The following POLB variants were observed in gnomAD, a reference collection of about 807,000 sequenced individuals.
POLB encodes the protein 5'-dRP lyase.
A neutral mutation model predicts 52.7 loss-of-function variants in POLB; 37 were observed. The observed-to-expected ratio is 0.70, with a 90% CI of 0.54 to 0.92. The LOEUF is 0.92. POLB is among the 40% of genes least tolerant of loss of function. The pLI, the probability that POLB is intolerant of heterozygous loss-of-function variation, is 0.00. For synonymous variants in POLB, 138 were observed against 131.3 expected, an observed-to-expected ratio of 1.05 and a Z score of -0.35; for missense variants, 313 against 400.8, an observed-to-expected ratio of 0.78 and a Z score of 1.87.
At chr8:42,343,846 C>T (rs1008440431) in intron 2 of POLB, among the ~76,000 whole-genome samples, 10 of 152,030 alleles carry the variant, frequency 6.6e-5, no homozygotes, top group South Asian at 2.1e-4. Flanking sequence ...AAAAGTTAGA[C>T]GTAGGCCAGG....
intron 9 of POLB, chr8:42,360,966 G>A (rs374296301): frequency 5.2e-5 from 21 of 403,102 alleles, no homozygotes; most frequent in African/African-American, 3.1e-4. Flanking sequence ...GTTCATAGGT[G>A]TATTTTAAAG....
chr8:42,361,229 T>G, intron 9 of POLB, 66 bp from the exon 10 acceptor site: 2 of 1,056,266 alleles, frequency 1.9e-6, no homozygotes, highest in South Asian at 2.5e-5. Context: ...TGTCATCAGC[T>G]TGGTTCCATT....
chr8:42,340,889 T>C (rs1034410324), intron 2 of POLB, among the ~76,000 whole-genome samples: 2 of 152,240 alleles, frequency 1.3e-5, no homozygotes, highest in Non-Finnish European at 2.9e-5. Flanking sequence ...TTCAACTTTG[T>C]ATTCTATTTG....
intron 9 of POLB, chr8:42,357,602 A>T: frequency 2.2e-6 from 1 of 447,686 alleles, no homozygotes; most frequent in Non-Finnish European, 3.9e-6. Context: ...TATTTTAATG[A>T]CTAGTTTTAA....
chr8:42,347,462 A>G (rs1172181334), intron 3 of POLB, among the ~76,000 whole-genome samples: 1 of 151,566 alleles, frequency 6.6e-6, no homozygotes, highest in African/African-American at 2.4e-5. Flanking sequence ...TAGATTATCT[A>G]ATCTATTCCT....
intron 7 of POLB, among the ~76,000 whole-genome samples, chr8:42,356,849 G>A (rs1279845568): frequency 6.6e-6 from 1 of 152,136 alleles, no homozygotes; most frequent in Non-Finnish European, 1.5e-5. Flanking sequence ...AGTTTACTTT[G>A]AAAATAATGC....
intron 2 of POLB, among the ~76,000 whole-genome samples, chr8:42,343,876 A>G (rs563176531): frequency 6.6e-6 from 1 of 152,324 alleles, no homozygotes; most frequent in South Asian, 2.1e-4. Context: ...TCACGCCTGT[A>G]ACCCAGAACT....
chr8:42,369,929 A>G lies in POLB; in HGVS notation c.854A>G (p.His285Arg). Residue 285 changes from histidine to arginine, a missense_variant, in exon 13 of 14, where the codon CAT becomes CGT. Coordinates refer to ENST00000265421, the MANE Select transcript of POLB (RefSeq NM_002690.3). ...ATTTTCAATAAGAATATGAGGGCTC[A>G]TGCCCTAGAAAAGGGTTTCACAATC... Reference protein sequence around the residue: ...SDIFNKNMRAHALEKGFTINE... With the variant: ...SDIFNKNMRARALEKGFTINE... 1 of 1,603,084 alleles carries G rather than the reference A, an allele frequency of 6.2e-7. No individual in the cohort carries two copies. The highest frequency in any genetic ancestry group is 8.5e-7 in the Non-Finnish European group (1 of 1,169,992).
intron 2 of POLB, chr8:42,341,872 T>C: frequency 1.7e-6 from 1 of 601,210 alleles, no homozygotes; most frequent in Admixed American, 2.2e-5. Context: ...TCCACCTCTT[T>C]TTAACTTCTT....
At chr8:42,369,777 T>G (rs1824263709) in intron 12 of POLB, 72 bp from the exon 13 acceptor site, 1 of 980,940 alleles carries the variant, frequency 1.0e-6, no homozygotes. Context: ...TCCTTATTGA[T>G]TTTAGGAGTC....
At chr8:42,347,894 C>T (rs1822733093) in intron 3 of POLB, among the ~76,000 whole-genome samples, 1 of 152,106 alleles carries the variant, frequency 6.6e-6, no homozygotes, top group African/African-American at 2.4e-5. Context: ...GTAGAGATAA[C>T]TGGCACACCT....
chr8:42,371,145 T>C (rs1041499962), intron 13 of POLB, among the ~76,000 whole-genome samples: 3 of 152,096 alleles, frequency 2.0e-5, no homozygotes, highest in Non-Finnish European at 2.9e-5. Context: ...TTTTTTGAAA[T>C]GGAGTTTCGC....
In POLB at chr8:42,363,070, C is replaced by T. The variant is rs186937393; in HGVS notation, c.708+372C>T. Among the ~76,000 whole-genome samples the T allele has an allele frequency of 2.0e-3, 302 of 149,786 alleles. 3 individuals are homozygous for T. In the Middle Eastern group the frequency reaches 0.024, roughly 12 times the overall value. ...ACCCAGGAGACGGAGGTGCGGTGAG[C>T]ATAGATCGTGCCACTGCACTTCAGC... On this transcript the variant is annotated intron_variant, in intron 11 of 13. Coordinates refer to ENST00000265421, the MANE Select transcript of POLB (RefSeq NM_002690.3).
intron 11 of POLB, among the ~76,000 whole-genome samples, chr8:42,367,870 T>C (rs183199144): frequency 9.2e-5 from 14 of 152,282 alleles, no homozygotes; most frequent in Admixed American, 6.5e-5. Flanking sequence ...ATTTCAGTAT[T>C]TTGTGCAAGT....
intron 2 of POLB, among the ~76,000 whole-genome samples, chr8:42,343,383 C>G (rs953995309): frequency 4.1e-5 from 4 of 98,442 alleles, no homozygotes; most frequent in Non-Finnish European, 6.3e-5. Flanking sequence ...CAAAATTAGC[C>G]AGGTGTGGTA....
intron 13 of POLB, 111 bp from the exon 14 acceptor site, chr8:42,371,452 A>C: frequency 4.4e-6 from 2 of 451,480 alleles, no homozygotes; most frequent in South Asian, 4.3e-5. Context: ...CTTGGTTACC[A>C]TTTTCTTTTT....
intron 2 of POLB, 157 bp downstream of exon 2, chr8:42,339,226 G>T (rs867200633): frequency 1.5e-6 from 1 of 672,036 alleles, no homozygotes; most frequent in Middle Eastern, 2.9e-4. Flanking sequence ...CTTGAAGAAT[G>T]TGGGCAGTGC....
At chr8:42,352,492 G>A (rs1372050489) in intron 5 of POLB, 27 bp from the exon 6 acceptor site, 2 of 1,519,450 alleles carry the variant, frequency 1.3e-6, no homozygotes, top group East Asian at 2.3e-5. Context: ...TTCACCCAAT[G>A]TTGAGATAAT....
At position 42,371,646 on chromosome 8, in the gene POLB, C is replaced by A; in HGVS notation, c.997C>A (p.Arg333=). The change falls in exon 14 of 14, where the codon CGG becomes AGG. Residue 333 remains arginine, a synonymous_variant. Coordinates refer to ENST00000265421, the MANE Select transcript of POLB (RefSeq NM_002690.3). ...GTGGAAATACCGGGAACCCAAGGAC[C>A]GGAGCGAATGAGGCCTGTATCCTCC... The part of the protein sequence containing the change: ...IQWKYREPKD[R]SE The A allele has an allele frequency of 6.2e-7, 1 of 1,605,146 alleles. No individual in the cohort carries two copies. The highest frequency in any genetic ancestry group is 8.5e-7 in the Non-Finnish European group (1 of 1,172,060).
Sources: gnomAD v4.1 joint callset for allele counts (sites outside exome capture counted in the v4.1 genomes callset) on GRCh38, gnomAD v4.1.1 for gene constraint, MANE v1.5 for transcripts, NCBI Gene and HGNC (gene_info 2026-07-23, HGNC 2026-07-21) for gene names.